The following RGS22 variants were observed in gnomAD, a reference collection of about 807,000 sequenced individuals.
RGS22 encodes the protein regulator of G-protein signaling 22.
A neutral mutation model predicts 172.9 loss-of-function variants in RGS22; 148 were observed. The observed-to-expected ratio is 0.86, with a 90% CI of 0.75 to 0.98. The LOEUF (loss-of-function observed/expected upper bound fraction) is 0.98. Ranked by LOEUF, RGS22 falls within the 50% of genes least tolerant of loss-of-function variation. RGS22 has a pLI of 0.00. For synonymous variants in RGS22, 458 were observed against 480.2 expected, an observed-to-expected ratio of 0.95 and a Z score of 0.60; for missense variants, 1,347 against 1,440.8, an observed-to-expected ratio of 0.93 and a Z score of 1.05.
intron 5 of RGS22, 27 bp downstream of exon 5, chr8:100,072,118 A>T (rs1349693024): frequency 7.4e-7 from 1 of 1,351,788 alleles, no homozygotes; most frequent in Non-Finnish European, 1.0e-6. Context: ...GTATTTAAAA[A>T]TACATATATT....
chr8:100,052,945 A>C lies in RGS22; in HGVS notation c.1546T>G (p.Ser516Ala). The change falls in exon 10 of 28, where the codon TCA becomes GCA. Residue 516 changes from serine to alanine, a missense_variant. Transcript: ENST00000360863. ...AGTTCAGCACTAGCATATTTTGTTG[A>C]GGCTGAATGAGTAACACAGAATCTT... The part of the protein sequence containing the change: ...APRFCVTHSA[S>A]TKYASAELKF... The C allele has an allele frequency of 6.2e-7, 1 of 1,614,026 alleles. No individual in the cohort carries two copies. The highest frequency in any genetic ancestry group is 2.2e-5 in the East Asian group (1 of 44,848).
At chr8:99,988,776 G>A (rs1361523127) in intron 20 of RGS22, among the ~76,000 whole-genome samples, 1 of 152,166 alleles carries the variant, frequency 6.6e-6, no homozygotes. Context: ...CTAGATGAAT[G>A]GTGGTGCCAT....
chr8:100,066,309 G>T lies in RGS22; in HGVS notation c.595-13C>A. 1 of 1,609,388 alleles carries T rather than the reference G, an allele frequency of 6.2e-7. No homozygotes were observed. Among genetic ancestry groups the T allele is most frequent in the South Asian group, 1.1e-5 (1 of 90,752 alleles). On this transcript the variant is annotated splice_polypyrimidine_tract_variant and intron_variant, in intron 6 of 27. Transcript: ENST00000360863. ...GAGTATAGGAAGCCTAGGAAGAAGG[G>T]AGCATATTAGTTTAACATATGATTA...
At chr8:100,054,667 G>A (rs1343595655) in intron 9 of RGS22, among the ~76,000 whole-genome samples, 1 of 152,072 alleles carries the variant, frequency 6.6e-6, no homozygotes, top group African/African-American at 2.4e-5. Context: ...CACAGATTGG[G>A]AGTGAAAGAG....
At chr8:100,088,022 C>A (rs910310780) in intron 3 of RGS22, among the ~76,000 whole-genome samples, 6 of 152,088 alleles carry the variant, frequency 3.9e-5, no homozygotes, top group Non-Finnish European at 7.4e-5. Context: ...AAATCAATTT[C>A]TGAGTATTTA....
Position 99,965,377 on chromosome 8 carries a change from T to TAA in RGS22, c.3571_3572dup (p.Leu1191PhefsTer8), listed in dbSNP as rs1383246544. On this transcript the variant is annotated frameshift_variant, in exon 24 of 28. Coordinates refer to ENST00000360863, the MANE Select transcript of RGS22 (RefSeq NM_015668.5). LOFTEE classifies it high-confidence loss of function. ...GGAGGCCTAGGAAGGAATCACTGAG[T>TAA]AAAGCAGTTTTGATAGCAGGCACTG... 7.4e-6 allele frequency: 12 copies of TAA among 1,613,838 alleles called. No homozygotes were observed. The highest frequency in any genetic ancestry group is 9.3e-6 in the Non-Finnish European group (11 of 1,179,812).
intron 15 of RGS22, among the ~76,000 whole-genome samples, chr8:100,008,060 C>T (rs1403283888): frequency 4.2e-5 from 6 of 144,368 alleles, no homozygotes; most frequent in Non-Finnish European, 7.6e-5. Flanking sequence ...TTTTTTAGAC[C>T]GAGTTTTGCT....
chr8:100,024,578 T>G (rs904103910), intron 14 of RGS22, among the ~76,000 whole-genome samples: 5 of 152,070 alleles, frequency 3.3e-5, no homozygotes, highest in African/African-American at 1.2e-4. Context: ...AAAAAAAATA[T>G]TAAAGGTGAT....
At chr8:100,017,278 A>T (rs1817094812) in intron 14 of RGS22, among the ~76,000 whole-genome samples, 1 of 152,068 alleles carries the variant, frequency 6.6e-6, no homozygotes, top group South Asian at 2.1e-4. Context: ...CACCATGCCC[A>T]GTCCTTTATT....
intron 4 of RGS22, among the ~76,000 whole-genome samples, chr8:100,074,468 G>C (rs1811197539): frequency 6.6e-6 from 1 of 152,182 alleles, no homozygotes; most frequent in African/African-American, 2.4e-5. Context: ...CCACTGATCT[G>C]TTCCGTAGTT....
Position 100,080,264 on chromosome 8 carries a change from T to A in RGS22, c.209A>T (p.Lys70Ile). 6.2e-7 allele frequency: 1 copy of A among 1,613,952 alleles called. No individual in the cohort carries two copies. Residue 70 changes from lysine to isoleucine, a missense_variant, in exon 4 of 28, where the codon AAA becomes ATA. Physicochemically the swap from Lys to Ile is moderately radical, Grantham distance 102 (BLOSUM62 -3). Transcript: ENST00000360863. ...TCGAGGTTGCTGGTTTTGTAGAATTTTTTTCAGTTGTTTTTCCAGAAATTG... is the reference window on the plus strand; with the variant it reads ...TCGAGGTTGCTGGTTTTGTAGAATTATTTTCAGTTGTTTTTCCAGAAATTG... ...APQFLEKQLK[K>I]ILQNQQPRNP...
intron 10 of RGS22, among the ~76,000 whole-genome samples, chr8:100,051,875 T>TTATATATAAA (rs1398714995): frequency 2.0e-5 from 1 of 49,860 alleles, no homozygotes; most frequent in African/African-American, 9.8e-5. Context: ...GTTTATATAT[T>TTATATATAAA]TATATATTTA....
chr8:99,966,898 T>G (rs1367044159), intron 23 of RGS22, among the ~76,000 whole-genome samples: 3 of 152,186 alleles, frequency 2.0e-5, no homozygotes, highest in African/African-American at 7.2e-5. Context: ...TCTTTCTGTT[T>G]CTATGAATTT....
At chr8:100,104,851 G>A (rs896156525) in intron 2 of RGS22, among the ~76,000 whole-genome samples, 5 of 152,152 alleles carry the variant, frequency 3.3e-5, no homozygotes, top group Non-Finnish European at 5.9e-5. Flanking sequence ...TATACAATGG[G>A]AATTACAATG....
At chr8:100,012,618 G>A (rs529935486) in intron 14 of RGS22, among the ~76,000 whole-genome samples, 4 of 151,784 alleles carry the variant, frequency 2.6e-5, no homozygotes, top group African/African-American at 9.7e-5. Context: ...AGAAAGAAAA[G>A]AAAGAAACAG....
chr8:100,080,443 T>G, intron 3 of RGS22, 88 bp from the exon 4 acceptor site: 2 of 852,556 alleles, frequency 2.3e-6, no homozygotes, highest in Non-Finnish European at 3.6e-6. Context: ...CATACATGCA[T>G]GCATACCTCA....
rs547122588 is a variant in RGS22 at position 100,092,282 on chromosome 8, T to C, written c.117+1165A>G. Among the ~76,000 whole-genome samples, 139 of 152,262 alleles carry C rather than the reference T, an allele frequency of 9.1e-4. 1 individual carries two copies. Among genetic ancestry groups the C allele is most frequent in the South Asian group, 1.5e-3 (7 of 4,824 alleles). ...TTTCTTATACATCTTTTAACCAGCA[T>C]TCCTTATTAACTTTATTTTCATACA... On this transcript the variant is annotated intron_variant, in intron 3 of 27. Coordinates refer to ENST00000360863, the MANE Select transcript of RGS22 (RefSeq NM_015668.5).
At chr8:100,023,902 T>C (rs780300618) in intron 14 of RGS22, 3 of 152,462 alleles carry the variant, frequency 2.0e-5, no homozygotes, top group Non-Finnish European at 2.9e-5. Flanking sequence ...TTGGGTGAAG[T>C]GGGAGGGGAC....
chr8:99,980,375 A>G (rs190808283), intron 22 of RGS22, among the ~76,000 whole-genome samples: 1 of 152,234 alleles, frequency 6.6e-6, no homozygotes, highest in Non-Finnish European at 1.5e-5. Context: ...CATGTTGCAG[A>G]TCTAAAGTGA....
Sources: gnomAD v4.1 joint callset for allele counts (sites outside exome capture counted in the v4.1 genomes callset) on GRCh38, gnomAD v4.1.1 for gene constraint, MANE v1.5 for transcripts, NCBI Gene and HGNC (gene_info 2026-07-23, HGNC 2026-07-21) for gene names.